The following XDH variants were observed in gnomAD, a reference collection of about 807,000 sequenced individuals.
XDH encodes xanthine dehydrogenase/oxidase.
A neutral mutation model predicts 156.1 loss-of-function variants in XDH; 138 were observed. That is an observed-to-expected ratio of 0.88 (90% CI 0.77 to 1.02). The LOEUF is 1.02. Among genes scored for constraint, XDH ranks in the 50% least tolerant of loss-of-function variants. The probability of loss-of-function intolerance (pLI) is 0.00; values close to 1 mark genes in which losing one functional copy is unlikely to be tolerated. For missense variants in XDH, 1,849 were observed against 1,684.9 expected, an observed-to-expected ratio of 1.10 and a Z score of -1.71; for synonymous variants, 669 against 625.7, an observed-to-expected ratio of 1.07 and a Z score of -1.03.
Position 31,383,022 on chromosome 2 carries a change from C to T in XDH, c.1017G>A (p.Gly339=), listed in dbSNP as rs763524129. The T allele has an allele frequency of 2.5e-6, 4 of 1,614,188 alleles. No homozygotes were observed. The highest frequency in any genetic ancestry group is 1.7e-5 in the Admixed American group (1 of 60,026). ...GVLEQLRWFA[G]KQVKSVASVG... ...TCACCGCCACAGACTTGACTTGCTT[C>T]CCAGCAAACCAGCGCAGCTGCTCCA... Residue 339 remains glycine, a synonymous_variant, in exon 11 of 36, where the codon GGG becomes GGA. Coordinates refer to ENST00000379416, the MANE Select transcript of XDH (RefSeq NM_000379.4).
rs1685906663 is a variant in XDH, at chr2:31,366,048, A to G, written c.2384T>C (p.Met795Thr). The change falls in exon 22 of 36, where the codon ATG becomes ACG. Residue 795 changes from methionine to threonine, a missense_variant. By Grantham distance (81) the Met-to-Thr change is moderately conservative. Coordinates refer to ENST00000379416, the MANE Select transcript of XDH (RefSeq NM_000379.4). Reference sequence around the variant, plus strand: ...CTCCTTGCCTCCAAAGCCTCCTCCCATTCTCTTCACTCGAACCACAATCCG... The same window carrying G: ...CTCCTTGCCTCCAAAGCCTCCTCCCGTTCTCTTCACTCGAACCACAATCCG... The part of the protein sequence containing the change: ...ANRIVVRVKR[M>T]GGGFGGKETR... 1.2e-6 allele frequency: 2 copies of G among 1,614,172 alleles called. No homozygotes were observed. The highest frequency in any genetic ancestry group is 8.5e-7 in the Non-Finnish European group (1 of 1,180,026).
In XDH at chr2:31,368,039, A is replaced by G. The variant is rs1262664091; in HGVS notation, c.2119T>C (p.Ser707Pro). The G allele has an allele frequency of 1.9e-6, 3 of 1,613,954 alleles. No individual in the cohort carries two copies. The African/African-American group carries it at 4.0e-5, about 22-fold the overall frequency. Residue 707 changes from serine to proline, a missense_variant, in exon 20 of 36, where the codon TCC becomes CCC. By Grantham distance (74) the Ser-to-Pro change is moderately conservative. Transcript: ENST00000379416. ...ITIEDAIKNN[S>P]FYGPELKIEK... ...ATCTTCAGCTCAGGTCCATAAAAGG[A>G]GTTGTTCTTTATAGCATCCTGAGGA...
At chr2:31,338,719 T>TC (rs1685040295) in intron 34 of XDH, among the ~76,000 whole-genome samples, 1 of 127,036 alleles carries the variant, frequency 7.9e-6, no homozygotes, top group South Asian at 3.0e-4. Flanking sequence ...CAAGTCTTTT[T>TC]TTTTTTTTTT....
chr2:31,386,683 C>G, intron 8 of XDH, 128 bp from the exon 9 acceptor site: 1 of 1,264,752 alleles, frequency 7.9e-7, no homozygotes, highest in Non-Finnish European at 1.1e-6. Flanking sequence ...CAGGAAGAAG[C>G]AAGGGGAAGT....
chr2:31,343,867 T>C (rs1685210246), intron 31 of XDH, among the ~76,000 whole-genome samples: 1 of 146,790 alleles, frequency 6.8e-6, no homozygotes, highest in Non-Finnish European at 1.5e-5. Context: ...AAATAAATGT[T>C]TCATACAAAG....
intron 6 of XDH, among the ~76,000 whole-genome samples, chr2:31,388,952 G>C (rs1686686637): frequency 1.3e-5 from 2 of 152,324 alleles, no homozygotes; most frequent in South Asian, 2.1e-4. Context: ...TAGGATACCA[G>C]TGGCAGAGCA....
intron 7 of XDH, 142 bp downstream of exon 7, chr2:31,388,085 T>C (rs1686662191): frequency 2.7e-6 from 3 of 1,091,580 alleles, no homozygotes; most frequent in Admixed American, 2.0e-5. Flanking sequence ...ACGTGCACCA[T>C]CACCATCCCC....
intron 6 of XDH, among the ~76,000 whole-genome samples, chr2:31,390,845 T>A (rs376472351): frequency 6.6e-6 from 1 of 152,222 alleles, no homozygotes. Context: ...ATTTTTTAAT[T>A]TAGTTGTTCA....
intron 23 of XDH, among the ~76,000 whole-genome samples, chr2:31,364,914 A>G (rs1458344375): frequency 1.3e-5 from 2 of 152,210 alleles, no homozygotes; most frequent in Non-Finnish European, 2.9e-5. Context: ...GCGGAGCCCC[A>G]TAAGGCTTTG....
At position 31,372,556 on chromosome 2, in the gene XDH, C is replaced by A. The variant is rs540203151; in HGVS notation, c.1687-159G>T. On this transcript the variant is annotated intron_variant, in intron 16 of 35. Coordinates refer to ENST00000379416, the MANE Select transcript of XDH (RefSeq NM_000379.4). ...GTGGGGCAAAGGGAACAGGAAGGTGCATAAGTGATAGCAAGGGTGGTCCTA... is the reference window on the plus strand; with the variant it reads ...GTGGGGCAAAGGGAACAGGAAGGTGAATAAGTGATAGCAAGGGTGGTCCTA... Among the ~76,000 whole-genome samples the A allele has an allele frequency of 2.0e-5, 3 of 152,244 alleles. No homozygotes were observed. In the South Asian group the frequency reaches 6.2e-4, roughly 32 times the overall value.
At chr2:31,342,446 T>A in intron 31 of XDH, 149 bp from the exon 32 acceptor site, 1 of 700,644 alleles carries the variant, frequency 1.4e-6, no homozygotes, top group Non-Finnish European at 2.5e-6. Flanking sequence ...TTGAACAATT[T>A]GAACCTGTTA....
rs1158704074 is a variant in XDH at position 31,349,981 on chromosome 2, C to T, written c.2823+51G>A. 2.5e-6 allele frequency: 4 copies of T among 1,612,312 alleles called. No homozygotes were observed. The Admixed American group carries it at 5.0e-5, about 20-fold the overall frequency. On this transcript the variant is annotated intron_variant, in intron 25 of 35. Transcript: ENST00000379416. ...TGCCCAAGATACAAAGCCGCTGTCCCCCGAAGTAGTCTAAAGCACTCTGAC... is the reference window on the plus strand; with the variant it reads ...TGCCCAAGATACAAAGCCGCTGTCCTCCGAAGTAGTCTAAAGCACTCTGAC...
chr2:31,354,583 G>A (rs1026078140), intron 24 of XDH, among the ~76,000 whole-genome samples: 8 of 152,236 alleles, frequency 5.3e-5, no homozygotes, highest in Admixed American at 3.9e-4. Context: ...CAAAGACATA[G>A]AAGATACAAA....
intron 6 of XDH, among the ~76,000 whole-genome samples, chr2:31,392,595 T>C (rs1450832145): frequency 2.6e-5 from 4 of 152,192 alleles, no homozygotes; most frequent in East Asian, 3.9e-4. Flanking sequence ...TGGCTAATTT[T>C]TGTATTTTTA....
At chr2:31,346,925 G>T in intron 29 of XDH, 82 bp from the exon 30 acceptor site, 3 of 1,576,140 alleles carry the variant, frequency 1.9e-6, no homozygotes, top group Non-Finnish European at 2.6e-6. Context: ...GCCCCAGCAA[G>T]GCTACCTCCA....
chr2:31,408,110 G>C (rs1484917857), intron 1 of XDH, among the ~76,000 whole-genome samples: 1 of 152,006 alleles, frequency 6.6e-6, no homozygotes, highest in Admixed American at 6.6e-5. Flanking sequence ...GTCTTTCAAG[G>C]CCCTTTTCAA....
intron 31 of XDH, among the ~76,000 whole-genome samples, chr2:31,342,736 TG>T (rs1685161175): frequency 6.6e-6 from 1 of 152,096 alleles, no homozygotes; most frequent in Non-Finnish European, 1.5e-5. Context: ...CTTCTCAAGG[TG>T]AGAAAGTTAA....
intron 21 of XDH, 94 bp from the exon 22 acceptor site, chr2:31,366,203 T>C: frequency 1.3e-6 from 2 of 1,596,202 alleles, no homozygotes; most frequent in Non-Finnish European, 1.7e-6. Flanking sequence ...TGGACCTAAT[T>C]ACTGCTGCGA....
At position 31,363,419 on chromosome 2, in the gene XDH, A is replaced by T. The variant is rs530207904; in HGVS notation, c.2631+739T>A. Among the ~76,000 whole-genome samples the T allele has an allele frequency of 7.2e-5, 11 of 152,360 alleles. No homozygotes were observed. The East Asian group carries it at 1.3e-3, about 19-fold the overall frequency. On this transcript the variant is annotated intron_variant, in intron 24 of 35. Transcript: ENST00000379416. ...GTGTATGGTTCTATAAAATGACTTG[A>T]CTACAAGACGGAAAGTAGATTAATG...
Sources: gnomAD v4.1 joint callset for allele counts (sites outside exome capture counted in the v4.1 genomes callset) on GRCh38, gnomAD v4.1.1 for gene constraint, MANE v1.5 for transcripts, NCBI Gene and HGNC (gene_info 2026-07-23, HGNC 2026-07-21) for gene names.